Variants in ZMIZ1 observed in about 807,000 individuals in gnomAD.
ZMIZ1 encodes zinc finger MIZ-type containing 1, also known as zinc finger MIZ domain-containing protein 1.
Under a neutral mutation model 113.9 loss-of-function variants are expected in ZMIZ1, and 17 were observed. The observed-to-expected ratio is 0.15, with a 90% CI of 0.10 to 0.22. The LOEUF is 0.22. ZMIZ1 is among the 10% of genes least tolerant of loss of function. ZMIZ1 has a pLI of 1.00. For missense variants in ZMIZ1, 1,059 were observed against 1,477.8 expected, an observed-to-expected ratio of 0.72 and a Z score of 4.65; for synonymous variants, 607 against 603.1, an observed-to-expected ratio of 1.01 and a Z score of -0.09.
intron 7 of ZMIZ1, among the ~76,000 whole-genome samples, chr10:79,229,820 G>A (rs1191202390): frequency 6.6e-6 from 1 of 152,054 alleles, no homozygotes; most frequent in Non-Finnish European, 1.5e-5. Context: ...AAGCAGAGAG[G>A]CGGGACCAGC....
At chr10:79,216,583 G>A (rs933455493) in intron 7 of ZMIZ1, among the ~76,000 whole-genome samples, 2 of 152,068 alleles carry the variant, frequency 1.3e-5, no homozygotes, top group African/African-American at 4.8e-5. Flanking sequence ...CCATCACCAC[G>A]GTGACCCCTT....
Position 79,296,652 on chromosome 10 carries a change from A to G in ZMIZ1, c.1412A>G (p.Lys471Arg). The G allele has an allele frequency of 3.2e-6, 5 of 1,552,560 alleles. No individual in the cohort carries two copies. The highest frequency in any genetic ancestry group is 4.4e-6 in the Non-Finnish European group (5 of 1,147,906). The change falls in exon 13 of 25, where the codon AAG becomes AGG. Residue 471 changes from lysine (K) to arginine (R), a missense_variant and splice_region_variant. Physicochemically the swap from Lys to Arg is conservative, Grantham distance 26. Around this residue, in one of 6 missense-constraint regions of ZMIZ1, gnomAD observed 239 missense variants for 247.5 expected, o/e 0.97. Transcript: ENST00000334512. The surrounding 1 kb of genome is among the most constrained non-coding windows in gnomAD (Gnocchi z 4.1). ...ACGGTCAACATGGGGCAGTATTACA[A>G]GGTGAGTCCCAGCCTCGCCACCACC... ...PPTVNMGQYY[K>R]PEQFNGQNNT...
chr10:79,137,838 G>A (rs1467954397), intron 2 of ZMIZ1, among the ~76,000 whole-genome samples: 7 of 147,316 alleles, frequency 4.8e-5, no homozygotes, highest in East Asian at 2.0e-4. Context: ...GGGGGGGGGT[G>A]CTCCTAGGGT....
At chr10:79,256,923 G>A (rs1392784791) in intron 7 of ZMIZ1, among the ~76,000 whole-genome samples, 2 of 152,206 alleles carry the variant, frequency 1.3e-5, no homozygotes, top group Non-Finnish European at 2.9e-5. Context: ...GACCTGAGGG[G>A]TGACATGGCT....
chr10:79,191,570 C>T (rs1589401533), intron 4 of ZMIZ1, among the ~76,000 whole-genome samples: 1 of 152,168 alleles, frequency 6.6e-6, no homozygotes, highest in Admixed American at 6.5e-5. Context: ...GTGGCCTGGG[C>T]CCAGCACTGG....
At chr10:79,228,437 T>C (rs1849273396) in intron 7 of ZMIZ1, among the ~76,000 whole-genome samples, 2 of 152,188 alleles carry the variant, frequency 1.3e-5, no homozygotes, top group South Asian at 4.1e-4. Flanking sequence ...ACTCCAAATA[T>C]GGTGCTCCTT....
At chr10:79,168,099 T>G (rs1490032286) in intron 4 of ZMIZ1, among the ~76,000 whole-genome samples, 1 of 152,194 alleles carries the variant, frequency 6.6e-6, no homozygotes, top group Non-Finnish European at 1.5e-5. Flanking sequence ...GGAGCCAATT[T>G]TCCTCTTTGT....
rs760176779 is a variant in ZMIZ1 at position 79,299,078 on chromosome 10, A to G, written c.1695A>G (p.Thr565=). The part of the protein sequence containing the change: ...PANHNDELRL[T]FPVRDGVVLE... ...ACCACAATGACGAGCTGCGGCTCAC[A>G]TTCCCTGTGCGGGATGGCGTGGTGC... Residue 565 remains threonine, a synonymous_variant, in exon 16 of 25, where the codon ACA becomes ACG. Coordinates refer to ENST00000334512, the MANE Select transcript of ZMIZ1 (RefSeq NM_020338.4). 1.2e-6 allele frequency: 2 copies of G among 1,612,162 alleles called. No homozygotes were observed. The highest frequency in any genetic ancestry group is 1.7e-6 in the Non-Finnish European group (2 of 1,179,550).
chr10:79,310,465 A>T (rs188221250), intron 23 of ZMIZ1, among the ~76,000 whole-genome samples: 2 of 152,154 alleles, frequency 1.3e-5, no homozygotes, highest in African/African-American at 4.8e-5. Flanking sequence ...CGCCCGCCCA[A>T]TGCTGTCTGT....
intron 24 of ZMIZ1, among the ~76,000 whole-genome samples, 187 bp from the exon 25 acceptor site, chr10:79,312,455 G>A (rs1371537976): frequency 6.6e-6 from 1 of 152,260 alleles, no homozygotes; most frequent in African/African-American, 2.4e-5. Flanking sequence ...CACACTCGGT[G>A]CAGTGGCCGG....
chr10:79,160,327 G>A (rs1309445065), intron 3 of ZMIZ1, among the ~76,000 whole-genome samples: 1 of 152,230 alleles, frequency 6.6e-6, no homozygotes, highest in African/African-American at 2.4e-5. Flanking sequence ...CATGGCTGGG[G>A]TGGGGACACT....
At chr10:79,216,383 G>A (rs763357355) in intron 7 of ZMIZ1, 109 bp downstream of exon 7, 2 of 943,480 alleles carry the variant, frequency 2.1e-6, no homozygotes, top group Non-Finnish European at 3.1e-6. Context: ...CATTTGTCTA[G>A]GTGTAGTGCG....
intron 7 of ZMIZ1, among the ~76,000 whole-genome samples, chr10:79,233,861 T>G (rs530212424): frequency 2.6e-5 from 4 of 152,322 alleles, no homozygotes; most frequent in African/African-American, 9.6e-5. Context: ...GGCACCCAGC[T>G]GCTGCCCAAC....
intron 1 of ZMIZ1, among the ~76,000 whole-genome samples, chr10:79,092,137 G>A (rs1164162154): frequency 6.6e-6 from 1 of 152,154 alleles, no homozygotes; most frequent in Non-Finnish European, 1.5e-5. Context: ...GGCTACTCCT[G>A]TGCCTCTGTC....
rs2132132261 is a variant in ZMIZ1, at chr10:79,316,516, C to T, written c.*3767C>T. ...TTTTTTCTAAATAAATTGACAAAAA[C>T]AAAGGTTTGGCGAATTAGCTATTTT... On this transcript the variant is annotated 3_prime_UTR_variant, in exon 25 of 25. Coordinates refer to ENST00000334512, the MANE Select transcript of ZMIZ1 (RefSeq NM_020338.4). 6.5e-6 allele frequency: 1 copy of T among 152,730 alleles called. No individual in the cohort carries two copies. The highest frequency in any genetic ancestry group is 1.5e-5 in the Non-Finnish European group (1 of 68,004). 9.5% of individuals were successfully genotyped at this position (152,730 alleles called of 1,614,324 possible).
At chr10:79,216,540 C>T (rs944073128) in intron 7 of ZMIZ1, 10 of 324,546 alleles carry the variant, frequency 3.1e-5, no homozygotes, top group Non-Finnish European at 5.7e-5. Flanking sequence ...GCAGTAGGCA[C>T]TGTGCTACAG....
intron 4 of ZMIZ1, among the ~76,000 whole-genome samples, chr10:79,180,294 TAAAG>T (rs1002028232): frequency 4.6e-5 from 7 of 152,064 alleles, no homozygotes; most frequent in African/African-American, 1.7e-4. Context: ...TCACCCTCCT[TAAAG>T]AGGCTGGGTC....
In ZMIZ1 at chr10:79,278,903, C is replaced by T. The variant is rs1334576378; in HGVS notation, c.425+1578C>T. Among the ~76,000 whole-genome samples the T allele has an allele frequency of 3.3e-5, 5 of 152,238 alleles. No homozygotes were observed. The East Asian group carries it at 7.7e-4, about 23-fold the overall frequency. ...TCCCCACATTTCCCCCTTTTCTATT[C>T]GACAAAACCACCATCATCATCATGG... On this transcript the variant is annotated intron_variant, in intron 8 of 24. Transcript: ENST00000334512.
chr10:79,236,481 T>A (rs1849594341), intron 7 of ZMIZ1, among the ~76,000 whole-genome samples: 1 of 152,262 alleles, frequency 6.6e-6, no homozygotes, highest in Non-Finnish European at 1.5e-5. Flanking sequence ...CCAGGACTGC[T>A]GAGGCACGGA....
Sources: allele counts gnomAD v4.1 joint callset (sites outside exome capture counted in the v4.1 genomes callset), GRCh38; gene constraint gnomAD v4.1.1; regional missense constraint gnomAD v4.1.1; non-coding constraint Gnocchi (gnomAD v3.1); transcripts MANE v1.5; gene names NCBI Gene and HGNC (gene_info 2026-07-23, HGNC 2026-07-21).